ABR: variants seen among roughly 807,000 people sequenced by gnomAD.
The protein encoded by ABR is active breakpoint cluster region-related protein.
A neutral mutation model predicts 107.2 loss-of-function variants in ABR; 35 were observed. The observed-to-expected ratio is 0.33, with a 90% confidence interval of 0.25 to 0.43. ABR has a LOEUF of 0.43. Ranked by LOEUF, ABR falls within the 20% of genes least tolerant of loss-of-function variation. The pLI is 1.00. For missense variants in ABR, 815 were observed against 1,115.2 expected (o/e 0.73, Z 3.83); for synonymous variants, 498 against 462.0 (o/e 1.08, Z -1.00).
At chr17:1,088,589 C>G (rs1185673054) in intron 4 of ABR, among the ~76,000 whole-genome samples, 1 of 151,616 alleles carries the variant, frequency 6.6e-6, no homozygotes, top group Non-Finnish European at 1.5e-5. Flanking sequence ...TTATTGTATT[C>G]TATTTCTTTT....
chr17:1,039,197 C>T (rs2073426957), intron 16 of ABR, among the ~76,000 whole-genome samples: 1 of 152,154 alleles, frequency 6.6e-6, no homozygotes, highest in Non-Finnish European at 1.5e-5. Flanking sequence ...ATGGTGCCCA[C>T]CCTTCAGAGG....
chr17:1,101,050 C>G (rs1010672055), intron 2 of ABR: 1 of 351,564 alleles, frequency 2.8e-6, no homozygotes, highest in Non-Finnish European at 5.4e-6. Flanking sequence ...TATAGAACTC[C>G]TGACCTCAGG....
chr17:1,188,854 A>T (rs2042371402), upstream of ABR, among the ~76,000 whole-genome samples: 1 of 152,212 alleles, frequency 6.6e-6, no homozygotes, highest in South Asian at 2.1e-4. Context: ...TCACAAGGGA[A>T]GCCGGTGCCT....
chr17:1,043,449 G>A (rs547097573), intron 16 of ABR, among the ~76,000 whole-genome samples: 2 of 152,278 alleles, frequency 1.3e-5, no homozygotes, highest in East Asian at 3.9e-4. Context: ...GATTACAGGC[G>A]TGAGCCACCG....
intron 1 of ABR, among the ~76,000 whole-genome samples, chr17:1,175,326 C>T (rs1373808786): frequency 1.3e-5 from 2 of 152,024 alleles, no homozygotes; most frequent in Admixed American, 1.3e-4. Flanking sequence ...GCAGGAGAAT[C>T]GCTTGAACCG....
intron 16 of ABR, among the ~76,000 whole-genome samples, chr17:1,048,601 C>G (rs946011494): frequency 2.2e-5 from 3 of 133,632 alleles, no homozygotes; most frequent in Non-Finnish European, 5.2e-5. Flanking sequence ...GGGCCACGGT[C>G]AAGAAGCTCG....
At chr17:1,036,755 T>C (rs1318197690) in intron 16 of ABR, among the ~76,000 whole-genome samples, 4 of 152,082 alleles carry the variant, frequency 2.6e-5, no homozygotes, top group Non-Finnish European at 5.9e-5. Context: ...CACTGCATTC[T>C]TACTGTGTGT....
In ABR at chr17:1,157,219, A is replaced by G. The variant is rs2041077846; in HGVS notation, c.61+22448T>C. 6.6e-6 allele frequency among the ~76,000 whole-genome samples: 1 copy of G among 150,978 alleles called. No homozygotes were observed. Among genetic ancestry groups the G allele is most frequent in the South Asian group, 2.1e-4 (1 of 4,786 alleles). On this transcript the variant is annotated intron_variant, in intron 1 of 22. Transcript: ENST00000302538. This position sits in a 1 kb window ranked among gnomAD's most constrained non-coding sequence, Gnocchi z 4.7. ...GTCTCAGACACTACCCTCTCTTGCT[A>G]CTAAGTCAGTCGTGCTACAGCGCAC...
intron 1 of ABR, among the ~76,000 whole-genome samples, chr17:1,202,144 G>A (rs2042683311): frequency 6.6e-6 from 1 of 152,098 alleles, no homozygotes; most frequent in Admixed American, 6.5e-5. Context: ...ACAGAGTCTG[G>A]CTCTGTAGCC....
rs930223265 is a variant in ABR, at chr17:1,027,247, C to T, written c.1792-14083G>A. Among the ~76,000 whole-genome samples the T allele has an allele frequency of 1.3e-5, 2 of 152,188 alleles. No homozygotes were observed. Among genetic ancestry groups the T allele is most frequent in the Non-Finnish European group, 2.9e-5 (2 of 68,032 alleles). On this transcript the variant is annotated intron_variant, in intron 16 of 22. Coordinates refer to ENST00000302538, the MANE Select transcript of ABR (RefSeq NM_021962.5). The surrounding 1 kb of genome is among the most constrained non-coding windows in gnomAD (Gnocchi z 4.7). ...GGGGCACCGCGCCCAGCACCGCTGG[C>T]TGGCCAAGCCGTCTGTGGCCTGCAG...
chr17:1,011,688 G>A lies in ABR; in HGVS notation c.2101+158C>T, dbSNP rs1489666605. ...TGCAGCAAGGGACAAGAGATTGGAG[G>A]GGAGGGGATTACAAGAGAAAGCACT... On this transcript the variant is annotated intron_variant, in intron 19 of 22. Transcript: ENST00000302538. The surrounding 1 kb of genome is among the most constrained non-coding windows in gnomAD (Gnocchi z 4.8). 1 of 841,082 alleles carries A rather than the reference G, an allele frequency of 1.2e-6. No homozygotes were observed. The highest frequency in any genetic ancestry group is 1.7e-5 in the African/African-American group (1 of 58,970). 52.1% of individuals were successfully genotyped at this position (841,082 alleles called of 1,614,324 possible).
Position 1,121,311 on chromosome 17 carries a change from G to A in ABR, c.246+3872C>T, listed in dbSNP as rs534534883. Among the ~76,000 whole-genome samples the A allele has an allele frequency of 9.2e-5, 14 of 152,388 alleles. No homozygotes were observed. In the South Asian group the frequency reaches 1.0e-3, roughly 11 times the overall value. ...CACCCCATGTGGCAGAAAGGAGGTTGATTGCAAAAGCAGGTTCGGTCATGG... is the reference window on the plus strand; with the variant it reads ...CACCCCATGTGGCAGAAAGGAGGTTAATTGCAAAAGCAGGTTCGGTCATGG... On this transcript the variant is annotated intron_variant, in intron 2 of 22. Coordinates refer to ENST00000302538, the MANE Select transcript of ABR (RefSeq NM_021962.5).
intron 10 of ABR, among the ~76,000 whole-genome samples, chr17:1,066,540 T>G (rs550302205): frequency 1.3e-5 from 2 of 152,104 alleles, no homozygotes; most frequent in Non-Finnish European, 2.9e-5. Context: ...ACTTTTTTTT[T>G]TTGTTTTTGA....
rs540643214 is a variant in ABR at position 1,106,527 on chromosome 17, C to CTTTTT, written c.247-5797_247-5793dup. Among the ~76,000 whole-genome samples, 44 of 102,600 alleles carry CTTTTT rather than the reference C, an allele frequency of 4.3e-4. 1 individual carries two copies. Among genetic ancestry groups the CTTTTT allele is most frequent in the African/African-American group, 1.1e-3 (30 of 26,196 alleles). The allele number at this position is 102,600 out of a possible 152,430, so 67.3% of individuals were successfully genotyped here. A position where few individuals can be genotyped will look rare whatever the true frequency, so the allele number is the denominator to read the frequency against. On this transcript the variant is annotated intron_variant, in intron 2 of 22. Coordinates refer to ENST00000302538, the MANE Select transcript of ABR (RefSeq NM_021962.5). ...CTTTTATCAGTACTCTTCTCACAGT[C>CTTTTT]TTTTTTTTTTTTTTTTTTTTGAGAC...
rs924042560 is a variant in ABR, at chr17:1,011,527, G to A, written c.2101+319C>T. On this transcript the variant is annotated intron_variant, in intron 19 of 22. Transcript: ENST00000302538. This position sits in a 1 kb window ranked among gnomAD's most constrained non-coding sequence, Gnocchi z 4.8. ...TGCAGGCTCAAAGCTCTTTCCCTGC[G>A]GCTCACCAGGCACCCAGGAACTAGC... is the stretch of plus-strand genomic sequence containing the variant. 1.5e-4 allele frequency: 32 copies of A among 208,102 alleles called. No homozygotes were observed. The highest frequency in any genetic ancestry group is 6.7e-4 in the African/African-American group (29 of 43,338). The allele number at this position is 208,102 out of a possible 1,614,324, so 12.9% of individuals were successfully genotyped here.
intron 1 of ABR, among the ~76,000 whole-genome samples, chr17:1,226,374 C>T (rs544637140): frequency 1.3e-5 from 2 of 152,086 alleles, no homozygotes; most frequent in Admixed American, 6.5e-5. Context: ...GCAGTGTGCA[C>T]ATGTATGTAC....
intron 16 of ABR, among the ~76,000 whole-genome samples, chr17:1,023,052 A>G (rs1341851456): frequency 6.9e-6 from 1 of 145,186 alleles, no homozygotes; most frequent in Non-Finnish European, 1.5e-5. Context: ...TGCCTGCCCC[A>G]CGTCCGCTCC....
chr17:1,073,001 G>A (rs1366749539), intron 7 of ABR, among the ~76,000 whole-genome samples: 2 of 152,080 alleles, frequency 1.3e-5, no homozygotes, highest in Non-Finnish European at 2.9e-5. Flanking sequence ...GCAACGTGGT[G>A]AAACCCCATC....
chr17:1,059,079 C>T (rs1402292099), intron 10 of ABR, among the ~76,000 whole-genome samples: 3 of 152,150 alleles, frequency 2.0e-5, no homozygotes, highest in Non-Finnish European at 2.9e-5. Flanking sequence ...CAGTGATGCC[C>T]TATGAGCACA....
Sources: allele counts gnomAD v4.1 joint callset (sites outside exome capture counted in the v4.1 genomes callset), GRCh38; gene constraint gnomAD v4.1.1; non-coding constraint Gnocchi (gnomAD v3.1); transcripts MANE v1.5; gene names NCBI Gene and HGNC (gene_info 2026-07-23, HGNC 2026-07-21).